Variants in C7orf25 observed in about 807,000 individuals in gnomAD.
C7orf25 encodes chromosome 7 open reading frame 25.
In C7orf25, 14 loss-of-function variants were observed where a neutral mutation model predicts 25.5. That is an observed-to-expected ratio of 0.55 (90% CI 0.36 to 0.86). The LOEUF is 0.86. C7orf25 is among the 40% of genes least tolerant of loss of function. The pLI is 0.01. For missense variants in C7orf25, 405 were observed against 493.9 expected (o/e 0.82, Z 1.71); for synonymous variants, 184 against 179.9 (o/e 1.02, Z -0.18).
At chr7:42,911,727 C>T in intron 1 of C7orf25, 188 bp downstream of exon 1, 1 of 1,197,582 alleles carries the variant, frequency 8.4e-7, no homozygotes, top group East Asian at 3.5e-5. Context: ...CGGCCACCTG[C>T]ACAGCCGGGC....
At chr7:42,911,353 A>G in intron 1 of C7orf25, 1 of 1,167,770 alleles carries the variant, frequency 8.6e-7, no homozygotes, top group South Asian at 1.7e-5. Flanking sequence ...AACTGTCCAA[A>G]GCAAGTGTCT....
At chr7:42,911,190 G>T in intron 1 of C7orf25, 1 of 684,958 alleles carries the variant, frequency 1.5e-6, no homozygotes, top group African/African-American at 1.8e-5. Flanking sequence ...GACACAGCAT[G>T]GTCCTAGGTT....
In C7orf25 at chr7:42,910,163, T is replaced by C. The variant is rs1224575445; in HGVS notation, c.738A>G (p.Lys246=). The change falls in exon 2 of 2, where the codon AAA becomes AAG. Residue 246 remains lysine, a synonymous_variant. Coordinates refer to ENST00000350427, the MANE Select transcript of C7orf25 (RefSeq NM_001099858.2). ...AAGTAGTAATGTCCAGATTTACTCT[T>C]TTGCACACATCGACCTTAATTTCTG... ...FPTEIKVDVC[K]RVNLDITTLI... The C allele has an allele frequency of 1.2e-6, 2 of 1,614,026 alleles. No individual in the cohort carries two copies. The highest frequency in any genetic ancestry group is 1.7e-6 in the Non-Finnish European group (2 of 1,180,052).
In C7orf25 at chr7:42,909,693, C is replaced by T; in HGVS notation, c.1208G>A (p.Ser403Asn). The T allele has an allele frequency of 1.2e-6, 2 of 1,614,182 alleles. No homozygotes were observed. The highest frequency in any genetic ancestry group is 2.2e-5 in the South Asian group (2 of 91,080). The stretch of plus-strand genomic sequence containing the variant: ...TAAGGGGGTGGCTAGAGCCTCTTTA[C>T]TCTCAGTAAGTGCTCTGGGCTGATG... ...FIHQPRALTE[S>N]KEALATPLPK... The change falls in exon 2 of 2, where the codon AGT (serine) becomes AAT (asparagine). Residue 403 changes from serine (S) to asparagine (N), a missense_variant. Ser to Asn is a conservative substitution (Grantham distance 46, BLOSUM62 1). Coordinates refer to ENST00000350427, the MANE Select transcript of C7orf25 (RefSeq NM_001099858.2).
At chr7:42,911,611 T>C (rs1035795160) in intron 1 of C7orf25, 1 of 1,058,666 alleles carries the variant, frequency 9.4e-7, no homozygotes, top group Non-Finnish European at 1.1e-6. Flanking sequence ...ACTCCAAGGC[T>C]GCAACCCGCG....
At position 42,910,545 on chromosome 7, in the gene C7orf25, G is replaced by A. The variant is rs981358489; in HGVS notation, c.356C>T (p.Ala119Val). Residue 119 changes from alanine to valine, a missense_variant, in exon 2 of 2, where the codon GCC becomes GTC. Physicochemically the swap from Ala to Val is moderately conservative, Grantham distance 64. Transcript: ENST00000350427. The stretch of plus-strand genomic sequence containing the variant: ...AAGAGCTTCAGCCTTCCGGCCAATG[G>A]CTTTCACCCAAGTATGACCACCATT... Reference protein sequence around the residue: ...VANGGHTWVKAIGRKAEALHN... With the variant: ...VANGGHTWVKVIGRKAEALHN... 2.0e-5 allele frequency: 33 copies of A among 1,614,084 alleles called. No homozygotes were observed. The highest frequency in any genetic ancestry group is 2.5e-5 in the Non-Finnish European group (29 of 1,180,054).
At chr7:42,911,755 G>A (rs887081829) in intron 1 of C7orf25, 160 bp downstream of exon 1, 1 of 1,229,500 alleles carries the variant, frequency 8.1e-7, no homozygotes, top group African/African-American at 1.6e-5. Flanking sequence ...GGAGGGGCCG[G>A]GGCCGAAAAG....
intron 1 of C7orf25, chr7:42,911,332 G>A (rs1785890192): frequency 4.4e-6 from 5 of 1,129,460 alleles, no homozygotes; most frequent in Non-Finnish European, 5.6e-6. Flanking sequence ...ACACAGACTG[G>A]CTAGTTAGCA....
At position 42,910,059 on chromosome 7, in the gene C7orf25, T is replaced by A; in HGVS notation, c.842A>T (p.Glu281Val). Reference protein sequence around the residue: ...FKEKVLTEQAEQERKEQVLPQ... With the variant: ...FKEKVLTEQAVQERKEQVLPQ... ...TAGAACCTGCTCTTTCCTCTCTTGC[T>A]CTGCTTGTTCTGTGAGCACTTTCTC... The change falls in exon 2 of 2, where the codon GAG (glutamate) becomes GTG (valine). Residue 281 changes from glutamate (E) to valine (V), a missense_variant. Coordinates refer to ENST00000350427, the MANE Select transcript of C7orf25 (RefSeq NM_001099858.2). 6.2e-7 allele frequency: 1 copy of A among 1,614,200 alleles called. No homozygotes were observed. Among genetic ancestry groups the A allele is most frequent in the Non-Finnish European group, 8.5e-7 (1 of 1,180,040 alleles).
chr7:42,911,854 C>A (rs987163599), intron 1 of C7orf25, 61 bp downstream of exon 1: 2 of 1,373,330 alleles, frequency 1.5e-6, no homozygotes, highest in Non-Finnish European at 1.9e-6. Flanking sequence ...GCCCAGCCCC[C>A]TCTGGCCTCA....
At position 42,910,751 on chromosome 7, in the gene C7orf25, C is replaced by T. The variant is rs780559307; in HGVS notation, c.150G>A (p.Gln50=). The change falls in exon 2 of 2, where the codon CAG becomes CAA. Residue 50 remains glutamine, a synonymous_variant. Transcript: ENST00000350427. ...TAGCTACTTTCCCAGCTTCTACTTT[C>T]TGCAAGAATTTTAATTCTGCCTTCA... The part of the protein sequence containing the change: ...SKLKAELKFL[Q]KVEAGKVAIK... 6 of 1,614,074 alleles carry T rather than the reference C, an allele frequency of 3.7e-6. No individual in the cohort carries two copies. In the Admixed American group the frequency reaches 5.0e-5, roughly 13 times the overall value.
chr7:42,911,785 G>A, intron 1 of C7orf25, 130 bp downstream of exon 1: 3 of 1,244,542 alleles, frequency 2.4e-6, no homozygotes, highest in Non-Finnish European at 3.0e-6. Context: ...CCAGCGCCGC[G>A]GCTCAGGGAC....
In C7orf25 at chr7:42,910,582, C is replaced by T; in HGVS notation, c.319G>A (p.Asp107Asn). ...TLGEKQTLVV[D>N]VVANGGHTWV... ...GTATGACCACCATTTGCAACTACATCTACCACAAGGGTTTGCTTTTCTCCT... is the reference window on the plus strand; with the variant it reads ...GTATGACCACCATTTGCAACTACATTTACCACAAGGGTTTGCTTTTCTCCT... The change falls in exon 2 of 2, where the codon GAT becomes AAT. Residue 107 changes from aspartate to asparagine, a missense_variant. By Grantham distance (23) the Asp-to-Asn change is conservative (BLOSUM62 1). Transcript: ENST00000350427. The T allele has an allele frequency of 1.9e-6, 3 of 1,614,208 alleles. No homozygotes were observed. The highest frequency in any genetic ancestry group is 2.5e-6 in the Non-Finnish European group (3 of 1,180,046).
chr7:42,911,542 C>T, intron 1 of C7orf25: 1 of 1,002,660 alleles, frequency 1.0e-6, no homozygotes. Flanking sequence ...CGAAGAAGAC[C>T]ACCAACTTGC....
At chr7:42,911,208 A>T (rs143546330) in intron 1 of C7orf25, 1 of 616,134 alleles carries the variant, frequency 1.6e-6, no homozygotes, top group African/African-American at 1.9e-5. Flanking sequence ...GTTAGGATAC[A>T]ATGCAAGAGT....
In C7orf25 at chr7:42,912,065, C is replaced by T. The variant is rs982972565; in HGVS notation, c.-172G>A. On this transcript the variant is annotated 5_prime_UTR_variant, in exon 1 of 2. An upstream start codon of the reference 5' UTR is lost. Coordinates refer to ENST00000350427, the MANE Select transcript of C7orf25 (RefSeq NM_001099858.2). ...GCCCCGCCGCCTCGGGCACCTCCTG[C>T]ATCACGTGGTTCCGGGCCGGGTGAC... The T allele has an allele frequency of 3.3e-5, 47 of 1,422,738 alleles. No individual in the cohort carries two copies. The highest frequency in any genetic ancestry group is 3.6e-4 in the Middle Eastern group (2 of 5,502). The allele number at this position is 1,422,738 out of a possible 1,614,324, so 88.1% of individuals were successfully genotyped here. A position where few individuals can be genotyped will look rare whatever the true frequency, so the allele number is the denominator to read the frequency against.
At chr7:42,911,281 A>T in intron 1 of C7orf25, 1 of 842,604 alleles carries the variant, frequency 1.2e-6, no homozygotes, top group East Asian at 6.1e-5. Context: ...ACTGCTGAGA[A>T]ATTTTAATAA....
Position 42,912,037 on chromosome 7 carries a change from C to T in C7orf25, c.-144G>A, listed in dbSNP as rs772572836. 4 of 1,469,034 alleles carry T rather than the reference C, an allele frequency of 2.7e-6. No individual in the cohort carries two copies. Among genetic ancestry groups the T allele is most frequent in the South Asian group, 2.6e-5 (2 of 76,666 alleles). The allele number at this position is 1,469,034 out of a possible 1,614,324, so 91.0% of individuals were successfully genotyped here. On this transcript the variant is annotated 5_prime_UTR_variant, in exon 1 of 2. Coordinates refer to ENST00000350427, the MANE Select transcript of C7orf25 (RefSeq NM_001099858.2). ...GAACGCCGAGGCGGCTCCACCCGCG[C>T]GAGCCCCGCCGCCTCGGGCACCTCC...
Position 42,909,607 on chromosome 7 carries a change from C to T in C7orf25, c.*28G>A, listed in dbSNP as rs769005871. Reference sequence around the variant, plus strand: ...CCCAGCCTTTGGTATAAATAACTTACTTCCACAAAAATATTTAAAGGGTAT... The same window carrying T: ...CCCAGCCTTTGGTATAAATAACTTATTTCCACAAAAATATTTAAAGGGTAT... On this transcript the variant is annotated 3_prime_UTR_variant, in exon 2 of 2. Transcript: ENST00000350427. 1.1e-5 allele frequency: 17 copies of T among 1,577,582 alleles called. No homozygotes were observed. Among genetic ancestry groups the T allele is most frequent in the Non-Finnish European group, 1.4e-5 (16 of 1,164,248 alleles).
Sources: gnomAD v4.1 joint callset for allele counts on GRCh38, gnomAD v4.1.1 for gene constraint, MANE v1.5 for transcripts, NCBI Gene and HGNC (gene_info 2026-07-23, HGNC 2026-07-21) for gene names.